TP53I13: variants seen among roughly 807,000 people sequenced by gnomAD.
TP53I13 encodes the protein tumor protein p53-inducible protein 13.
A neutral mutation model predicts 39.1 loss-of-function variants in TP53I13; 27 were observed. The ratio of observed to expected loss-of-function variants is 0.69; its 90% CI spans 0.51 to 0.95. TP53I13 has a LOEUF of 0.95. TP53I13 is among the 40% of genes least tolerant of loss of function. The probability of loss-of-function intolerance (pLI) is 0.00; values close to 1 mark genes in which losing one functional copy is unlikely to be tolerated. For synonymous variants in TP53I13, 230 were observed against 224.6 expected (o/e 1.02, Z -0.22); for missense variants, 544 against 520.4 (o/e 1.05, Z -0.44).
At chr17:29,576,212 T>G, downstream of TP53I13, 1 of 1,606,308 alleles carries the variant, frequency 6.2e-7, no homozygotes, top group Non-Finnish European at 8.5e-7. Context: ...GACCCATAGG[T>G]GACTCACAGT....
chr17:29,580,703 A>T, the TP53I13 span, among the ~76,000 whole-genome samples: 80 of 152,046 alleles, frequency 5.3e-4, no homozygotes, highest in African/African-American at 1.9e-3. Flanking sequence ...CTCTAAAGAC[A>T]GTGGGGTCGG....
chr17:29,574,131 A>AG (rs1446513574), downstream of TP53I13: 1 of 152,496 alleles, frequency 6.6e-6, no homozygotes, highest in African/African-American at 2.4e-5. Flanking sequence ...GAAGAAAGAA[A>AG]AAAAAAAAAC....
rs549840443 is a variant in TP53I13 at position 29,572,508 on chromosome 17, G to A, written c.880G>A (p.Ala294Thr). The A allele has an allele frequency of 3.9e-5, 62 of 1,606,212 alleles. 1 individual carries two copies. In the Admixed American group the frequency reaches 1.0e-3, roughly 27 times the overall value. Residue 294 changes from alanine to threonine, a missense_variant, in exon 6 of 7, where the codon GCA becomes ACA. By Grantham distance (58) the Ala-to-Thr change is moderately conservative. Coordinates refer to ENST00000301057, the MANE Select transcript of TP53I13 (RefSeq NM_138349.4). Reference sequence around the variant, plus strand: ...TCAGGCTTCCCCGGCCCCTCGCGCAGCAGCGCCTCCACGGGCAGCCCGGGG... The same window carrying A: ...TCAGGCTTCCCCGGCCCCTCGCGCAACAGCGCCTCCACGGGCAGCCCGGGG... ...SSQASPAPRA[A>T]APPRAARGPT...
At chr17:29,569,107 A>C in intron 2 of TP53I13, 21 bp downstream of exon 2, 1 of 1,574,234 alleles carries the variant, frequency 6.4e-7, no homozygotes, top group Non-Finnish European at 8.6e-7. Context: ...TGGAGGGCCC[A>C]GGGAGAGAGG....
chr17:29,568,665 C>CGGCGCGGGGGCGCGGG (rs2032794243), upstream of TP53I13: 1 of 428,748 alleles, frequency 2.3e-6, no homozygotes, highest in Admixed American at 1.3e-4. The surrounding 1 kb of genome is among the most constrained non-coding windows in gnomAD (Gnocchi z 4.5). Flanking sequence ...GCGGCGCGGG[C>CGGCGCGGGGGCGCGGG]GGCGCGGGGG....
At chr17:29,566,740 G>T, upstream of TP53I13, 1 of 1,558,594 alleles carries the variant, frequency 6.4e-7, no homozygotes, top group Non-Finnish European at 8.6e-7. Flanking sequence ...CAGGGCCGAC[G>T]GCTTGCAAAC....
upstream of TP53I13, chr17:29,567,021 AGCTCCGCGCTTTGCCCGCG>A: frequency 8.1e-7 from 1 of 1,227,306 alleles, no homozygotes; most frequent in Non-Finnish European, 1.0e-6. The surrounding 1 kb of genome is among the most constrained non-coding windows in gnomAD (Gnocchi z 6.6). Context: ...CTACTCGGCG[AGCTCCGCGCTTTGCCCGCG>A]GCTCCGCCCG....
intron 4 of TP53I13, 51 bp downstream of exon 4, chr17:29,571,770 C>T (rs914994954): frequency 6.2e-7 from 1 of 1,613,706 alleles, no homozygotes; most frequent in Admixed American, 1.7e-5. Context: ...AGGCTATGGC[C>T]CCGTGTGCAG....
At chr17:29,577,328 A>C, downstream of TP53I13, 2 of 1,060,552 alleles carry the variant, frequency 1.9e-6, no homozygotes, top group Non-Finnish European at 2.9e-6. Context: ...GTAGCAAGGC[A>C]TGGCTCTGCC....
upstream of TP53I13, chr17:29,566,880 C>T: frequency 6.7e-7 from 1 of 1,498,686 alleles, no homozygotes; most frequent in Middle Eastern, 2.3e-4. Context: ...CGGCGCGCCC[C>T]CAGGGTCCCC....
chr17:29,574,661 A>G (rs2033120047), downstream of TP53I13: 1 of 1,468,006 alleles, frequency 6.8e-7, no homozygotes, highest in Non-Finnish European at 9.5e-7. Flanking sequence ...TCCTATGGCC[A>G]GTGAGGTCCT....
chr17:29,571,959 A>T lies in TP53I13; in HGVS notation c.415A>T (p.Lys139Ter), dbSNP rs2032948267. 3 of 1,612,956 alleles carry T rather than the reference A, an allele frequency of 1.9e-6. No homozygotes were observed. The East Asian group carries it at 6.7e-5, about 36-fold the overall frequency. ...GAGGAGGCGGAGGAGGAAGCAGAGG[A>T]AGAAGAAGGCATGGATCTACTGTGA... is the stretch of plus-strand genomic sequence containing the variant. Reference protein sequence around the residue: ...LMRRRRRKQRKKKAWIYCESL... With the variant: ...LMRRRRRKQR Residue 139 changes from lysine (K) to a stop codon, truncating the protein, a stop_gained, in exon 5 of 7, where the codon AAG becomes TAG. Transcript: ENST00000301057. LOFTEE classifies it high-confidence loss of function.
chr17:29,566,846 C>G (rs1250367853), upstream of TP53I13: 3 of 1,514,156 alleles, frequency 2.0e-6, no homozygotes, highest in African/African-American at 1.4e-5. Flanking sequence ...CGGTCTTGGG[C>G]CCCCGGCAGG....
At chr17:29,576,975 C>T (rs749237619), downstream of TP53I13, 22 of 1,602,498 alleles carry the variant, frequency 1.4e-5, no homozygotes, top group South Asian at 4.4e-5. Context: ...ACTCTGGCTC[C>T]GCAGAGACAG....
At chr17:29,579,636 C>G in the TP53I13 span, among the ~76,000 whole-genome samples, 1 of 151,810 alleles carries the variant, frequency 6.6e-6, no homozygotes, top group African/African-American at 2.4e-5. Flanking sequence ...ACTCAAGAGG[C>G]TATGGTAGGA....
At chr17:29,570,263 T>G (rs1411503409) in intron 3 of TP53I13, among the ~76,000 whole-genome samples, 1 of 144,848 alleles carries the variant, frequency 6.9e-6, no homozygotes, top group East Asian at 2.2e-4. Context: ...ATCCCAGTAC[T>G]TTAGGAGGCT....
downstream of TP53I13, chr17:29,576,197 C>A: frequency 6.2e-7 from 1 of 1,607,790 alleles, no homozygotes. Flanking sequence ...CTCCCCACAC[C>A]TTGAGACCCA....
intron 3 of TP53I13, chr17:29,570,028 C>T (rs1029971230): frequency 1.6e-4 from 25 of 152,020 alleles, no homozygotes; most frequent in Non-Finnish European, 2.2e-4. Flanking sequence ...ATGCCACAGC[C>T]TCCCGAGCAG....
rs1370259141 is a variant in TP53I13 at position 29,569,595 on chromosome 17, G to C, written c.183+236G>C. 2.3e-5 allele frequency: 10 copies of C among 432,896 alleles called. No homozygotes were observed. The East Asian group carries it at 3.2e-4, about 14-fold the overall frequency. The allele number at this position is 432,896 out of a possible 1,614,324, so 26.8% of individuals were successfully genotyped here. ...ATCTGCAATGCTGTGTCAGGATGCT[G>C]TTGGGTAGCTGGCTCTGTGGACAAG... On this transcript the variant is annotated intron_variant, in intron 3 of 6. Coordinates refer to ENST00000301057, the MANE Select transcript of TP53I13 (RefSeq NM_138349.4).
Sources: gnomAD v4.1 joint callset for allele counts (sites outside exome capture counted in the v4.1 genomes callset) on GRCh38, gnomAD v4.1.1 for gene constraint, Gnocchi (gnomAD v3.1) non-coding constraint, MANE v1.5 for transcripts, NCBI Gene and HGNC (gene_info 2026-07-23, HGNC 2026-07-21) for gene names.